TIAM1: variants seen among roughly 807,000 people sequenced by gnomAD.
TIAM1 encodes the protein rho guanine nucleotide exchange factor TIAM1.
In TIAM1, 65 loss-of-function variants were observed where a neutral mutation model predicts 163.5. That is an observed-to-expected ratio of 0.40 (90% CI 0.33 to 0.49). The LOEUF (loss-of-function observed/expected upper bound fraction) is 0.49, where lower values mean the gene tolerates loss of function less well. Ranked by LOEUF, TIAM1 falls within the 20% of genes least tolerant of loss-of-function variation. The pLI, the probability that TIAM1 is intolerant of heterozygous loss-of-function variation, is 0.77. For missense variants in TIAM1, 1,789 were observed against 2,044.7 expected (o/e 0.87, Z 2.41); for synonymous variants, 833 against 810.1 (o/e 1.03, Z -0.48).
intron 19 of TIAM1, 149 bp downstream of exon 19, chr21:31,152,487 C>G: frequency 9.0e-7 from 1 of 1,106,916 alleles, no homozygotes; most frequent in Non-Finnish European, 1.3e-6. Context: ...TTAGCCAGAC[C>G]AGCAAGACAC....
intron 2 of TIAM1, among the ~76,000 whole-genome samples, chr21:31,387,410 GC>G (rs1483836202): frequency 1.3e-4 from 19 of 151,488 alleles, no homozygotes; most frequent in Middle Eastern, 3.4e-3. Flanking sequence ...ATGGGGTTTC[GC>G]CATGTTGACC....
chr21:31,520,440 G>C (rs887738182), intron 1 of TIAM1, among the ~76,000 whole-genome samples: 1 of 151,914 alleles, frequency 6.6e-6, no homozygotes. Flanking sequence ...ATAGGTTTTT[G>C]AGTGCGGTTT....
chr21:31,464,645 C>A (rs1045349498), intron 1 of TIAM1, among the ~76,000 whole-genome samples: 1 of 151,334 alleles, frequency 6.6e-6, no homozygotes, highest in Admixed American at 6.6e-5. Flanking sequence ...AAGTTCAAGA[C>A]CAGCCTGGCC....
At chr21:31,348,262 C>T (rs1370545373), upstream of TIAM1, among the ~76,000 whole-genome samples, 2 of 152,150 alleles carry the variant, frequency 1.3e-5, no homozygotes, top group East Asian at 3.9e-4. Flanking sequence ...TCAAGATCTG[C>T]GAATTTGAAG....
At chr21:31,281,071 G>A (rs1467223416) in intron 2 of TIAM1, among the ~76,000 whole-genome samples, 1 of 125,558 alleles carries the variant, frequency 8.0e-6, no homozygotes, top group Non-Finnish European at 1.6e-5. Flanking sequence ...GGGCAACAAA[G>A]TGAGACCCTA....
chr21:31,554,498 C>G (rs2048804286), intron 1 of TIAM1, among the ~76,000 whole-genome samples: 2 of 152,208 alleles, frequency 1.3e-5, no homozygotes, highest in South Asian at 4.1e-4. Context: ...GATGCCCCCA[C>G]TCCAACTACA....
intron 2 of TIAM1, among the ~76,000 whole-genome samples, chr21:31,354,696 C>T (rs1273967999): frequency 6.6e-6 from 1 of 152,212 alleles, no homozygotes; most frequent in East Asian, 1.9e-4. Flanking sequence ...GTTCCTGGCA[C>T]AGGCACCAAG....
chr21:31,461,742 T>C (rs2045335813), intron 2 of TIAM1, among the ~76,000 whole-genome samples: 1 of 152,198 alleles, frequency 6.6e-6, no homozygotes, highest in Admixed American at 6.5e-5. Flanking sequence ...CATGGCTCAC[T>C]GCAGCCTCAA....
rs566389843 is a variant in TIAM1, at chr21:31,210,580, A to C, written c.2218-365T>G. 1.6e-5 allele frequency among the ~76,000 whole-genome samples: 2 copies of C among 122,212 alleles called. 1 individual carries two copies. The highest frequency in any genetic ancestry group is 8.2e-5 in the African/African-American group (2 of 24,472). The allele number at this position is 122,212 out of a possible 152,430, so 80.2% of individuals were successfully genotyped here. ...AAAGAAAGAAAGAAAGAAAGAAAGA[A>C]AGAAAGAAAGAAAGAGAGAAAGAAG... On this transcript the variant is annotated intron_variant, in intron 10 of 27. Coordinates refer to ENST00000541036, the MANE Select transcript of TIAM1 (RefSeq NM_001353694.2).
At chr21:31,499,731 T>A (rs1188763820) in intron 1 of TIAM1, among the ~76,000 whole-genome samples, 1 of 151,866 alleles carries the variant, frequency 6.6e-6, no homozygotes, top group East Asian at 1.9e-4. Context: ...GCCCCTGTAA[T>A]CCCACCTACT....
intron 2 of TIAM1, among the ~76,000 whole-genome samples, chr21:31,324,196 G>A (rs960601787): frequency 3.3e-5 from 5 of 152,018 alleles, no homozygotes; most frequent in African/African-American, 7.3e-5. Flanking sequence ...AATTCATTGC[G>A]TTTGGGACCC....
chr21:31,289,482 T>C (rs1450957258), intron 2 of TIAM1, among the ~76,000 whole-genome samples: 1 of 152,142 alleles, frequency 6.6e-6, no homozygotes, highest in Admixed American at 6.5e-5. Flanking sequence ...TTTTTCAGTA[T>C]AGGTGATTCA....
At chr21:31,284,769 G>C (rs2073727878) in intron 2 of TIAM1, among the ~76,000 whole-genome samples, 2 of 151,890 alleles carry the variant, frequency 1.3e-5, no homozygotes, top group African/African-American at 4.8e-5. Flanking sequence ...CAAGTGATCA[G>C]CCCACTTTGG....
chr21:31,348,355 G>A (rs777355452), upstream of TIAM1, among the ~76,000 whole-genome samples: 2 of 152,128 alleles, frequency 1.3e-5, no homozygotes, highest in Admixed American at 6.5e-5. Flanking sequence ...GCACCAACGC[G>A]TCCTCACCTA....
At chr21:31,234,838 T>C (rs767081486) in intron 6 of TIAM1, among the ~76,000 whole-genome samples, 1 of 150,802 alleles carries the variant, frequency 6.6e-6, no homozygotes, top group African/African-American at 2.4e-5. Flanking sequence ...TAAAAAAGGA[T>C]CAGAACACCA....
chr21:31,163,794 C>A (rs565329561), intron 16 of TIAM1, among the ~76,000 whole-genome samples: 4 of 152,132 alleles, frequency 2.6e-5, no homozygotes, highest in Non-Finnish European at 4.4e-5. Flanking sequence ...TAAGAATCAC[C>A]CTGATTTTGC....
intron 6 of TIAM1, among the ~76,000 whole-genome samples, chr21:31,226,986 G>T (rs2284488): frequency 0.23 from 31,442 of 137,832 alleles, 5,900 homozygotes; most frequent in African/African-American, 0.51. Flanking sequence ...AGACAGGGTC[G>T]TGCTCTGTTG....
Position 31,187,020 on chromosome 21 carries a change from G to T in TIAM1, c.2643C>A (p.Thr881=), listed in dbSNP as rs571812682. The part of the protein sequence containing the change: ...RRLYVNSVKE[T]GLASKKGLKA... ...ACTTACCTTTCTTGGAAGCTAAACCGGTTTCCTTCACACTATTCACGTACA... is the reference window on the plus strand; with the variant it reads ...ACTTACCTTTCTTGGAAGCTAAACCTGTTTCCTTCACACTATTCACGTACA... The change falls in exon 14 of 28, where the codon ACC becomes ACA. Residue 881 remains threonine (T), a synonymous_variant. Coordinates refer to ENST00000541036, the MANE Select transcript of TIAM1 (RefSeq NM_001353694.2). 1.9e-6 allele frequency: 3 copies of T among 1,614,008 alleles called. No homozygotes were observed. Among genetic ancestry groups the T allele is most frequent in the African/African-American group, 1.3e-5 (1 of 75,018 alleles).
In TIAM1 at chr21:31,126,910, C is replaced by G. The variant is rs147510900; in HGVS notation, c.4133+155G>C. Among the ~76,000 whole-genome samples the G allele has an allele frequency of 4.5e-3, 693 of 152,334 alleles. 2 individuals carry two copies. Among genetic ancestry groups the G allele is most frequent in the African/African-American group, 0.016 (650 of 41,570 alleles). On this transcript the variant is annotated intron_variant, in intron 26 of 27. Coordinates refer to ENST00000541036, the MANE Select transcript of TIAM1 (RefSeq NM_001353694.2). ...GGAATCCCGATAACACCTTCACAAG[C>G]TGTCAGCTCCTCCCAGCTGACTCTC...
Sources: allele counts gnomAD v4.1 joint callset (sites outside exome capture counted in the v4.1 genomes callset), GRCh38; gene constraint gnomAD v4.1.1; transcripts MANE v1.5; gene names NCBI Gene and HGNC (gene_info 2026-07-23, HGNC 2026-07-21).